Variants in GNAI1 observed in about 807,000 individuals in gnomAD.
GNAI1 encodes G protein subunit alpha i1.
A neutral mutation model predicts 38.9 loss-of-function variants in GNAI1; 11 were observed. The ratio of observed to expected loss-of-function variants is 0.28; its 90% CI spans 0.18 to 0.47. GNAI1 has a LOEUF of 0.47. Ranked by LOEUF, GNAI1 falls within the 20% of genes least tolerant of loss-of-function variation. GNAI1 has a pLI of 0.99. For synonymous variants in GNAI1, 166 were observed against 145.1 expected, an observed-to-expected ratio of 1.14 and a Z score of -1.04; for missense variants, 317 against 436.9, an observed-to-expected ratio of 0.73 and a Z score of 2.45.
chr7:80,167,348 T>C (rs10435401), intron 1 of GNAI1, among the ~76,000 whole-genome samples: 1,848 of 152,290 alleles, frequency 0.012, 17 homozygotes, highest in East Asian at 0.046. Flanking sequence ...CACTTTTCTG[T>C]GCTTAAGATG....
chr7:80,208,722 C>T (rs1192286425), intron 5 of GNAI1, among the ~76,000 whole-genome samples: 1 of 152,152 alleles, frequency 6.6e-6, no homozygotes, highest in Admixed American at 6.5e-5. Flanking sequence ...CAGTTTATCT[C>T]TTCCACTCTC....
At chr7:80,145,224 G>A (rs1787599443) in intron 1 of GNAI1, among the ~76,000 whole-genome samples, 1 of 152,038 alleles carries the variant, frequency 6.6e-6, no homozygotes, top group South Asian at 2.1e-4. Flanking sequence ...AATAGGCAGT[G>A]TTCATATTTT....
chr7:80,190,621 A>G (rs1003577837), intron 3 of GNAI1, among the ~76,000 whole-genome samples: 1 of 152,160 alleles, frequency 6.6e-6, no homozygotes, highest in Non-Finnish European at 1.5e-5. Context: ...TGTTTAAAAG[A>G]CTGCACAGTA....
intron 6 of GNAI1, among the ~76,000 whole-genome samples, chr7:80,212,162 C>T (rs1788886474): frequency 6.6e-6 from 1 of 152,052 alleles, no homozygotes; most frequent in Non-Finnish European, 1.5e-5. Flanking sequence ...CAGTGCAACA[C>T]CACATGTTCA....
At chr7:80,179,867 A>T (rs1039066543) in intron 1 of GNAI1, among the ~76,000 whole-genome samples, 1 of 152,188 alleles carries the variant, frequency 6.6e-6, no homozygotes, top group Non-Finnish European at 1.5e-5. Context: ...ACAATTTTTT[A>T]AAAATAAGTC....
Position 80,164,039 on chromosome 7 carries a change from CTT to C in GNAI1, c.119-24892_119-24891del, listed in dbSNP as rs35826632. ...GGCTTCTTTGTCAAACTGGTGCTTT[CTT>C]TTTTTTTTTTTTTTTTTTTGTGGGG... On this transcript the variant is annotated intron_variant, in intron 1 of 7. Coordinates refer to ENST00000649796, the MANE Select transcript of GNAI1 (RefSeq NM_002069.6). Among the ~76,000 whole-genome samples, 128 of 62,940 alleles carry C rather than the reference CTT, an allele frequency of 2.0e-3. No homozygotes were observed. The East Asian group carries it at 0.051, about 25-fold the overall frequency. 41.3% of individuals were successfully genotyped at this position (62,940 alleles called of 152,430 possible).
chr7:80,188,723 C>T (rs1788429476), intron 1 of GNAI1, among the ~76,000 whole-genome samples: 1 of 152,126 alleles, frequency 6.6e-6, no homozygotes, highest in South Asian at 2.1e-4. Context: ...AGTATTATTA[C>T]TGTACAACTA....
intron 1 of GNAI1, among the ~76,000 whole-genome samples, chr7:80,137,643 G>A (rs1201796461): frequency 6.6e-6 from 1 of 152,068 alleles, no homozygotes; most frequent in Non-Finnish European, 1.5e-5. Context: ...CTCTAAACCA[G>A]TACTGGTACC....
chr7:80,206,450 T>TAAATA (rs1788779114), intron 5 of GNAI1, among the ~76,000 whole-genome samples: 1 of 152,066 alleles, frequency 6.6e-6, no homozygotes, highest in Non-Finnish European at 1.5e-5. Context: ...TCCATAATAT[T>TAAATA]AAATAAACAA....
At chr7:80,200,163 A>C (rs1306382293) in intron 4 of GNAI1, among the ~76,000 whole-genome samples, 1 of 151,632 alleles carries the variant, frequency 6.6e-6, no homozygotes, top group Non-Finnish European at 1.5e-5. Context: ...ATCTCTACAA[A>C]AAATACAAAA....
intron 1 of GNAI1, among the ~76,000 whole-genome samples, chr7:80,149,664 T>C (rs1206286344): frequency 6.6e-6 from 1 of 152,166 alleles, no homozygotes; most frequent in African/African-American, 2.4e-5. Flanking sequence ...CTTGTAATAC[T>C]TTACATGTTT....
At chr7:80,172,823 T>A (rs754833149) in intron 1 of GNAI1, among the ~76,000 whole-genome samples, 467 of 152,298 alleles carry the variant, frequency 3.1e-3, no homozygotes, top group Non-Finnish European at 5.5e-3. Context: ...CAAATTTTTT[T>A]TAAAAAACTT....
At chr7:80,137,401 A>G (rs1018552310) in intron 1 of GNAI1, among the ~76,000 whole-genome samples, 16 of 131,064 alleles carry the variant, frequency 1.2e-4, no homozygotes, top group Middle Eastern at 5.3e-3. Context: ...GCTCACTGCA[A>G]CCTTCACCTC....
At chr7:80,136,969 G>T (rs999337895) in intron 1 of GNAI1, among the ~76,000 whole-genome samples, 1 of 152,084 alleles carries the variant, frequency 6.6e-6, no homozygotes, top group Non-Finnish European at 1.5e-5. Context: ...TTTGGGGCTG[G>T]GTAATTCTTT....
intron 1 of GNAI1, among the ~76,000 whole-genome samples, chr7:80,183,492 G>A (rs138437672): frequency 2.6e-4 from 40 of 152,166 alleles, no homozygotes; most frequent in Admixed American, 6.5e-4. Flanking sequence ...GAGGTATGAG[G>A]ACTTCAGCAT....
At chr7:80,165,039 G>A (rs536667336) in intron 1 of GNAI1, among the ~76,000 whole-genome samples, 2 of 152,204 alleles carry the variant, frequency 1.3e-5, no homozygotes, top group African/African-American at 4.8e-5. Flanking sequence ...TATTGTAGTA[G>A]CCAGCTCTTT....
Position 80,220,900 on chromosome 7 carries a change from A to G in GNAI1, c.*3407A>G, listed in dbSNP as rs574950468. Among the ~76,000 whole-genome samples, 5 of 152,292 alleles carry G rather than the reference A, an allele frequency of 3.3e-5. No individual in the cohort carries two copies. In the East Asian group the frequency reaches 7.7e-4, roughly 24 times the overall value. On this transcript the variant is annotated 3_prime_UTR_variant, in exon 8 of 8. Coordinates refer to ENST00000649796, the MANE Select transcript of GNAI1 (RefSeq NM_002069.6). ...CTCTGCCCTTGAGTTCCTCTGAGCC[A>G]TAATAGTTTTTCAGATTTAAAAAAG...
intron 1 of GNAI1, among the ~76,000 whole-genome samples, chr7:80,165,434 C>T (rs938620312): frequency 2.0e-5 from 3 of 152,072 alleles, no homozygotes; most frequent in African/African-American, 7.2e-5. Context: ...GGAAGGGTGA[C>T]CCTGCAGTTT....
In GNAI1 at chr7:80,221,145, C is replaced by G. The variant is rs1789066285; in HGVS notation, c.*3652C>G. On this transcript the variant is annotated 3_prime_UTR_variant, in exon 8 of 8. Transcript: ENST00000649796. ...AAAGTGATGGTGAAAATCCTAGGCT[C>G]TGGCACCCCGTCTGGCTTCAAATCC... is the stretch of plus-strand genomic sequence containing the variant. Among the ~76,000 whole-genome samples, 1 of 152,120 alleles carries G rather than the reference C, an allele frequency of 6.6e-6. No homozygotes were observed. Among genetic ancestry groups the G allele is most frequent in the Non-Finnish European group, 1.5e-5 (1 of 68,024 alleles).
Sources: gnomAD v4.1 joint callset for allele counts (sites outside exome capture counted in the v4.1 genomes callset) on GRCh38, gnomAD v4.1.1 for gene constraint, MANE v1.5 for transcripts, NCBI Gene and HGNC (gene_info 2026-07-23, HGNC 2026-07-21) for gene names.